The following LPIN2 variants were observed in gnomAD, a reference collection of about 807,000 sequenced individuals.
LPIN2 encodes the protein phosphatidate phosphatase LPIN2.
Under a neutral mutation model 111.4 loss-of-function variants are expected in LPIN2, and 55 were observed. The ratio of observed to expected loss-of-function variants is 0.49; its 90% CI spans 0.40 to 0.62. The LOEUF (loss-of-function observed/expected upper bound fraction) is 0.62. LPIN2 is among the 20% of genes least tolerant of loss of function. LPIN2 has a pLI of 0.00. For missense variants in LPIN2, 992 were observed against 1,112.1 expected, an observed-to-expected ratio of 0.89 and a Z score of 1.54; for synonymous variants, 425 against 414.0, an observed-to-expected ratio of 1.03 and a Z score of -0.32.
intron 16 of LPIN2, among the ~76,000 whole-genome samples, chr18:2,923,420 CAAAAAAAA>C (rs869052239): frequency 0.014 from 384 of 26,600 alleles, 6 homozygotes; most frequent in Middle Eastern, 0.079. Context: ...AACTCCATCT[CAAAAAAAA>C]AAAAAAAAAA....
intron 1 of LPIN2, among the ~76,000 whole-genome samples, chr18:3,006,437 C>T (rs1021786472): frequency 1.3e-5 from 2 of 152,210 alleles, no homozygotes; most frequent in African/African-American, 4.8e-5. Context: ...GGCACAGTGG[C>T]TCACACCTGT....
intron 4 of LPIN2, chr18:2,950,647 C>A: frequency 4.0e-6 from 1 of 252,256 alleles, no homozygotes; most frequent in South Asian, 5.1e-5. Context: ...AAAAATCATT[C>A]CTTTTCAATT....
intron 3 of LPIN2, among the ~76,000 whole-genome samples, chr18:2,953,151 A>G (rs1051849608): frequency 3.9e-5 from 6 of 152,208 alleles, no homozygotes; most frequent in African/African-American, 1.2e-4. Flanking sequence ...CAATGTAGTC[A>G]TATGTGGAAT....
At chr18:2,981,134 T>C (rs757516643) in intron 1 of LPIN2, among the ~76,000 whole-genome samples, 2 of 152,134 alleles carry the variant, frequency 1.3e-5, no homozygotes, top group Non-Finnish European at 2.9e-5. Context: ...GAGGAAAGAC[T>C]CTTTCAAAAC....
intron 1 of LPIN2, among the ~76,000 whole-genome samples, chr18:3,007,698 A>G (rs1330073723): frequency 6.6e-6 from 1 of 152,214 alleles, no homozygotes; most frequent in Non-Finnish European, 1.5e-5. Context: ...AAGTTTATAG[A>G]CTCAACTGTG....
intron 19 of LPIN2, 62 bp downstream of exon 19, chr18:2,920,716 G>A (rs934702641): frequency 2.4e-6 from 3 of 1,239,810 alleles, no homozygotes; most frequent in Non-Finnish European, 3.6e-6. Context: ...GACAGGGTCT[G>A]TCTGTCCCCA....
At chr18:2,985,454 T>C (rs1370173166) in intron 1 of LPIN2, 1 of 152,060 alleles carries the variant, frequency 6.6e-6, no homozygotes, top group Non-Finnish European at 1.5e-5. Flanking sequence ...ATCTTTTTTT[T>C]AAAAAGTGCA....
chr18:2,919,594 T>C lies in LPIN2; in HGVS notation c.*699A>G, dbSNP rs145046223. The C allele has an allele frequency of 1.3e-3, 200 of 154,038 alleles. 7 individuals are homozygous for C. The East Asian group carries it at 0.025, about 19-fold the overall frequency. The allele number at this position is 154,038 out of a possible 1,614,324, so 9.5% of individuals were successfully genotyped here. ...ATCAAATATATACTTGTGAGACCTGTTCTTCTGGTGAGGACTAAGAAATTA... is the reference window on the plus strand; with the variant it reads ...ATCAAATATATACTTGTGAGACCTGCTCTTCTGGTGAGGACTAAGAAATTA... On this transcript the variant is annotated 3_prime_UTR_variant, in exon 20 of 20. Transcript: ENST00000677752.
At chr18:2,939,821 C>T (rs994667876) in intron 5 of LPIN2, among the ~76,000 whole-genome samples, 2 of 152,132 alleles carry the variant, frequency 1.3e-5, no homozygotes, top group African/African-American at 4.8e-5. Context: ...CTTACCAGGT[C>T]CTTTGTAAAC....
chr18:3,011,417 G>A (rs12455800), intron 1 of LPIN2, among the ~76,000 whole-genome samples: 15,045 of 152,122 alleles, frequency 0.099, 1,126 homozygotes, highest in East Asian at 0.38. Flanking sequence ...TGGGGCGGTT[G>A]CTCACGCCTG....
intron 11 of LPIN2, 87 bp downstream of exon 11, chr18:2,928,504 A>C (rs1026340548): frequency 8.0e-7 from 1 of 1,254,448 alleles, no homozygotes; most frequent in African/African-American, 1.5e-5. Context: ...AATAGTACCC[A>C]GTTCAGAAAT....
intron 1 of LPIN2, among the ~76,000 whole-genome samples, chr18:2,969,358 G>A (rs140024731): frequency 2.6e-4 from 40 of 152,232 alleles, no homozygotes; most frequent in Non-Finnish European, 4.9e-4. Flanking sequence ...TTTTTGAATC[G>A]TTCTGAGCTG....
At chr18:2,939,661 T>C (rs2077342652) in intron 5 of LPIN2, 58 bp from the exon 6 acceptor site, 1 of 1,595,924 alleles carries the variant, frequency 6.3e-7, no homozygotes, top group Non-Finnish European at 8.5e-7. Context: ...TCAGTCTTGC[T>C]GAGCCTGACA....
Position 2,922,151 on chromosome 18 carries a change from G to A in LPIN2, c.2223C>T (p.Ala741=), listed in dbSNP as rs17555442. 0.014 allele frequency: 22,276 copies of A among 1,613,974 alleles called. 224 individuals carry two copies. Among genetic ancestry groups the A allele is most frequent in the Middle Eastern group, 0.027 (166 of 6,062 alleles). Residue 741 remains alanine, a synonymous_variant, in exon 17 of 20, where the codon GCC becomes GCT. Coordinates refer to ENST00000677752, the MANE Select transcript of LPIN2 (RefSeq NM_001375808.2). ...LYCSARAIGM[A]DMTRGYLHWV... ...AGTGCAGGTAGCCACGGGTCATGTC[G>A]GCCATGCCGATGGCACGAGCCGAGC...
chr18:2,924,619 C>G, intron 14 of LPIN2, 73 bp from the exon 15 acceptor site: 1 of 1,497,130 alleles, frequency 6.7e-7, no homozygotes, highest in Non-Finnish European at 9.3e-7. Context: ...ATTTACAGAA[C>G]AACTGGTGTC....
intron 10 of LPIN2, among the ~76,000 whole-genome samples, 155 bp downstream of exon 10, chr18:2,928,910 A>T (rs965190951): frequency 6.6e-6 from 1 of 152,244 alleles, no homozygotes; most frequent in Non-Finnish European, 1.5e-5. Flanking sequence ...ATAAAATTGA[A>T]GCTTTACTTT....
chr18:2,957,067 C>A (rs2077625563), intron 2 of LPIN2, among the ~76,000 whole-genome samples: 1 of 151,494 alleles, frequency 6.6e-6, no homozygotes, highest in East Asian at 1.9e-4. Context: ...AATAACCCCT[C>A]ATTTCCATAT....
At chr18:2,940,745 G>C (rs1453030833) in intron 4 of LPIN2, 33 bp from the exon 5 acceptor site, 4 of 1,282,802 alleles carry the variant, frequency 3.1e-6, no homozygotes, top group Non-Finnish European at 4.5e-6. Flanking sequence ...AGGCAGGAAC[G>C]ATGACATTCT....
chr18:3,002,156 G>A (rs1052623865), intron 1 of LPIN2, among the ~76,000 whole-genome samples: 1 of 150,878 alleles, frequency 6.6e-6, no homozygotes, highest in Non-Finnish European at 1.5e-5. Context: ...CACTTACAGG[G>A]GGAAGGTCCA....
Sources: allele counts gnomAD v4.1 joint callset (sites outside exome capture counted in the v4.1 genomes callset), GRCh38; gene constraint gnomAD v4.1.1; transcripts MANE v1.5; gene names NCBI Gene and HGNC (gene_info 2026-07-23, HGNC 2026-07-21).